The following LRCH3 variants were observed in gnomAD, a reference collection of about 807,000 sequenced individuals.
LRCH3 encodes DISP complex protein LRCH3.
LRCH3 carries 68 observed loss-of-function variants against 104.5 expected under a neutral mutation model. The observed-to-expected ratio is 0.65, with a 90% CI of 0.54 to 0.80. The LOEUF (loss-of-function observed/expected upper bound fraction) is 0.80, where lower values mean the gene tolerates loss of function less well. Among genes scored for constraint, LRCH3 ranks in the 30% least tolerant of loss-of-function variants. The probability of loss-of-function intolerance (pLI) is 0.00; values close to 1 mark genes in which losing one functional copy is unlikely to be tolerated. For missense variants in LRCH3, 951 were observed against 953.9 expected (o/e 1.00, Z 0.04); for synonymous variants, 344 against 361.3 (o/e 0.95, Z 0.54).
At chr3:197,870,473 C>T (rs1712031573) in intron 18 of LRCH3, among the ~76,000 whole-genome samples, 195 bp downstream of exon 18, 1 of 152,168 alleles carries the variant, frequency 6.6e-6, no homozygotes, top group Admixed American at 6.5e-5. Context: ...TCAAGCAATT[C>T]TTCTGCCTCA....
chr3:197,855,299 G>A (rs1264106266), intron 14 of LRCH3, among the ~76,000 whole-genome samples: 1 of 152,110 alleles, frequency 6.6e-6, no homozygotes, highest in African/African-American at 2.4e-5. Context: ...TTAACTGGGC[G>A]GTCTTATAGG....
At chr3:197,866,348 G>T in intron 17 of LRCH3, 129 bp downstream of exon 17, 1 of 649,326 alleles carries the variant, frequency 1.5e-6, no homozygotes. Flanking sequence ...AAAAGCATGT[G>T]TCTGTGATCT....
At chr3:197,798,950 A>C (rs145105871) in intron 1 of LRCH3, among the ~76,000 whole-genome samples, 1 of 152,004 alleles carries the variant, frequency 6.6e-6, no homozygotes, top group South Asian at 2.1e-4. Flanking sequence ...GTCATACTGG[A>C]CAGCACAGAT....
At chr3:197,881,190 G>T in intron 20 of LRCH3, 1 of 1,005,222 alleles carries the variant, frequency 9.9e-7, no homozygotes, top group Non-Finnish European at 1.2e-6. Context: ...GGTTTTGGCC[G>T]CACCCGGTTA....
chr3:197,833,301 C>T (rs888078208), intron 8 of LRCH3, among the ~76,000 whole-genome samples: 36 of 127,852 alleles, frequency 2.8e-4, no homozygotes, highest in Non-Finnish European at 4.4e-4. Flanking sequence ...GGGTGGATCA[C>T]TTGAGGTCAA....
Position 197,820,412 on chromosome 3 carries a change from C to A in LRCH3, c.622C>A (p.Leu208Ile). The stretch of plus-strand genomic sequence containing the variant: ...AGACCTTAATGTAAGAAGAAATCAC[C>A]TAGTACATTTGCCTGAAGGTAAGAA... ...LRDLNVRRNH[L>I]VHLPEELAEL... The change falls in exon 4 of 21, where the codon CTA becomes ATA. Residue 208 changes from leucine (L) to isoleucine (I), a missense_variant. Leu to Ile is a conservative substitution (Grantham distance 5, BLOSUM62 2). Transcript: ENST00000425562. 6.3e-7 allele frequency: 1 copy of A among 1,596,196 alleles called. No individual in the cohort carries two copies. The highest frequency in any genetic ancestry group is 8.6e-7 in the Non-Finnish European group (1 of 1,164,096).
At position 197,879,981 on chromosome 3, in the gene LRCH3, T is replaced by A. The variant is rs185970792; in HGVS notation, c.2209-3560T>A. ...TTTTTTTTGAGACGGAGTCTCGCTC[T>A]GTCACCCAGGCTGGAGTGCGGTGGC... On this transcript the variant is annotated intron_variant, in intron 20 of 20. Coordinates refer to ENST00000425562, the MANE Select transcript of LRCH3 (RefSeq NM_001365715.1). Among the ~76,000 whole-genome samples, 1,242 of 150,814 alleles carry A rather than the reference T, an allele frequency of 8.2e-3. 27 individuals are homozygous for A. Among genetic ancestry groups the A allele is most frequent in the African/African-American group, 0.029 (1,176 of 40,722 alleles).
chr3:197,881,490 C>T, intron 20 of LRCH3: 4 of 985,438 alleles, frequency 4.1e-6, no homozygotes, highest in Non-Finnish European at 4.8e-6. Context: ...CTGAGGTTCA[C>T]TCCCAGCATT....
rs1714134940 is a variant in LRCH3 at position 197,885,613 on chromosome 3, A to G, written c.*1947A>G. On this transcript the variant is annotated 3_prime_UTR_variant, in exon 21 of 21. Coordinates refer to ENST00000425562, the MANE Select transcript of LRCH3 (RefSeq NM_001365715.1). Reference sequence around the variant, plus strand: ...CAACAAAAGCGAAATTCCATCTCAAAAAAAGAAAACGCGCCCCATCTCGCT... The same window carrying G: ...CAACAAAAGCGAAATTCCATCTCAAGAAAAGAAAACGCGCCCCATCTCGCT... The G allele has an allele frequency of 6.6e-6, 1 of 152,354 alleles. No homozygotes were observed. The highest frequency in any genetic ancestry group is 2.4e-5 in the African/African-American group (1 of 41,450). 9.4% of individuals were successfully genotyped at this position (152,354 alleles called of 1,614,324 possible).
chr3:197,884,750 A>G lies in LRCH3; in HGVS notation c.*1084A>G, dbSNP rs1306509876. The G allele has an allele frequency of 6.6e-6, 1 of 152,206 alleles. No individual in the cohort carries two copies. The highest frequency in any genetic ancestry group is 6.5e-5 in the Admixed American group (1 of 15,276). 9.4% of individuals were successfully genotyped at this position (152,206 alleles called of 1,614,324 possible). On this transcript the variant is annotated 3_prime_UTR_variant, in exon 21 of 21. Transcript: ENST00000425562. ...GGACTGTTCTGTCAAAGGCAAAACA[A>G]AAATAATATAGAAGGCCTAGGTTTT...
Position 197,883,119 on chromosome 3 carries a change from T to A in LRCH3, c.2209-422T>A. ...TCTTTCATTCTTGTGGTAGGGAACT[T>A]ACCCTCAAGTGTAGTATCTTTTACT... On this transcript the variant is annotated intron_variant, in intron 20 of 20. Coordinates refer to ENST00000425562, the MANE Select transcript of LRCH3 (RefSeq NM_001365715.1). The surrounding 1 kb of genome is among the most constrained non-coding windows in gnomAD (Gnocchi z 4.2). The A allele has an allele frequency of 1.0e-6, 1 of 986,606 alleles. No individual in the cohort carries two copies. The highest frequency in any genetic ancestry group is 1.2e-6 in the Non-Finnish European group (1 of 830,740). 61.1% of individuals were successfully genotyped at this position (986,606 alleles called of 1,614,324 possible).
chr3:197,809,150 TAGTC>T (rs935326605), intron 1 of LRCH3, among the ~76,000 whole-genome samples: 2 of 151,758 alleles, frequency 1.3e-5, no homozygotes, highest in African/African-American at 4.8e-5. Flanking sequence ...ATACAAAAAT[TAGTC>T]AGGAGTGGTG....
chr3:197,793,864 T>TA (rs879454234), intron 1 of LRCH3, among the ~76,000 whole-genome samples: 112 of 151,914 alleles, frequency 7.4e-4, no homozygotes, highest in Middle Eastern at 6.8e-3. Flanking sequence ...TTATGAAATA[T>TA]AAAAAAAAAT....
rs956147962 is a variant in LRCH3 at position 197,886,719 on chromosome 3, C to G, written c.*3053C>G. The G allele has an allele frequency of 6.6e-6, 1 of 150,678 alleles. No individual in the cohort carries two copies. The highest frequency in any genetic ancestry group is 1.5e-5 in the Non-Finnish European group (1 of 67,884). The allele number at this position is 150,678 out of a possible 1,614,324, so 9.3% of individuals were successfully genotyped here. ...ACTTGGGTGGCTGAGGCACAAGAAT[C>G]GCTTCAACCTGGAAGCCGAAGGTTG... On this transcript the variant is annotated 3_prime_UTR_variant, in exon 21 of 21. Coordinates refer to ENST00000425562, the MANE Select transcript of LRCH3 (RefSeq NM_001365715.1).
intron 1 of LRCH3, among the ~76,000 whole-genome samples, chr3:197,797,631 C>T (rs1731373674): frequency 6.6e-6 from 1 of 151,310 alleles, no homozygotes; most frequent in African/African-American, 2.4e-5. Context: ...GAGGCCGAGG[C>T]AGGTGGATCA....
intron 7 of LRCH3, 76 bp from the exon 8 acceptor site, chr3:197,832,121 C>G: frequency 6.7e-7 from 1 of 1,486,328 alleles, no homozygotes; most frequent in South Asian, 1.3e-5. Flanking sequence ...TTTGGTCTCC[C>G]AAAGCGCATG....
intron 8 of LRCH3, among the ~76,000 whole-genome samples, chr3:197,835,226 C>T (rs975638769): frequency 6.6e-6 from 1 of 151,828 alleles, no homozygotes; most frequent in Non-Finnish European, 1.5e-5. Flanking sequence ...CTATGTCACC[C>T]AAGCTGGAGT....
chr3:197,807,719 T>C (rs1732667753), intron 1 of LRCH3, among the ~76,000 whole-genome samples: 2 of 152,188 alleles, frequency 1.3e-5, no homozygotes, highest in African/African-American at 4.8e-5. Context: ...TAGAATTCCA[T>C]TTTTATTTCT....
chr3:197,857,876 A>G (rs2109448248), intron 14 of LRCH3, among the ~76,000 whole-genome samples: 1 of 152,352 alleles, frequency 6.6e-6, no homozygotes, highest in Non-Finnish European at 1.5e-5. Flanking sequence ...GTTAAATAAA[A>G]ATATGTTAAT....
Sources: allele counts gnomAD v4.1 joint callset (sites outside exome capture counted in the v4.1 genomes callset), GRCh38; gene constraint gnomAD v4.1.1; non-coding constraint Gnocchi (gnomAD v3.1); transcripts MANE v1.5; gene names NCBI Gene and HGNC (gene_info 2026-07-23, HGNC 2026-07-21).